Variants in ANXA3 observed in about 807,000 individuals in gnomAD.
ANXA3 encodes 35-alpha calcimedin.
In ANXA3, 46 loss-of-function variants were observed where a neutral mutation model predicts 48.8. The ratio of observed to expected loss-of-function variants is 0.94; its 90% CI spans 0.74 to 1.21. The LOEUF (loss-of-function observed/expected upper bound fraction) is 1.21. Ranked by LOEUF, ANXA3 falls within the 50% of genes most tolerant of loss-of-function variation. The probability of loss-of-function intolerance (pLI) is 0.00; values close to 1 mark genes in which losing one functional copy is unlikely to be tolerated. For missense variants in ANXA3, 383 were observed against 378.6 expected, an observed-to-expected ratio of 1.01 and a Z score of -0.10; for synonymous variants, 128 against 134.7, an observed-to-expected ratio of 0.95 and a Z score of 0.35.
chr4:78,558,079 C>T (rs1033215156), intron 2 of ANXA3, among the ~76,000 whole-genome samples: 1 of 152,198 alleles, frequency 6.6e-6, no homozygotes, highest in African/African-American at 2.4e-5. Context: ...AAAACCCTGT[C>T]ACATGCTACT....
At position 78,595,291 on chromosome 4, in the gene ANXA3, A is replaced by G. The variant is rs17003381; in HGVS notation, c.484-90A>G. The G allele has an allele frequency of 2.1e-3, 3,065 of 1,431,534 alleles. 58 individuals are homozygous for G. In the African/African-American group the frequency reaches 0.038, roughly 18 times the overall value. 88.7% of individuals were successfully genotyped at this position (1,431,534 alleles called of 1,614,324 possible). A position where few individuals can be genotyped will look rare whatever the true frequency, so the allele number is the denominator to read the frequency against. ...GTGCAACCTGTCCTGCCTTAAAGAA[A>G]AACCACTAAGATCCCCTGCTGGTTG... On this transcript the variant is annotated intron_variant, in intron 7 of 12. Coordinates refer to ENST00000264908, the MANE Select transcript of ANXA3 (RefSeq NM_005139.3).
chr4:78,590,792 A>T (rs923982891), intron 6 of ANXA3, among the ~76,000 whole-genome samples: 2 of 143,450 alleles, frequency 1.4e-5, no homozygotes, highest in Non-Finnish European at 2.9e-5. Flanking sequence ...TTAGGGTTAG[A>T]TTCGATAAAA....
At chr4:78,579,148 G>A in intron 4 of ANXA3, 27 bp downstream of exon 4, 6 of 1,497,122 alleles carry the variant, frequency 4.0e-6, no homozygotes, top group South Asian at 1.2e-5. Flanking sequence ...ATGACAGGCA[G>A]TAAAGAGATC....
intron 9 of ANXA3, among the ~76,000 whole-genome samples, chr4:78,596,750 G>A (rs1174035179): frequency 6.6e-6 from 1 of 152,120 alleles, no homozygotes; most frequent in African/African-American, 2.4e-5. Context: ...TTTTAAAAAT[G>A]TATTGGGGAA....
intron 2 of ANXA3, among the ~76,000 whole-genome samples, chr4:78,561,020 T>G (rs1375304575): frequency 6.6e-6 from 1 of 152,196 alleles, no homozygotes; most frequent in Non-Finnish European, 1.5e-5. Context: ...TTTTTAGATG[T>G]ATTTTTCATA....
chr4:78,564,381 C>T (rs918742617), intron 2 of ANXA3, among the ~76,000 whole-genome samples: 4 of 152,154 alleles, frequency 2.6e-5, no homozygotes, highest in South Asian at 2.1e-4. Flanking sequence ...AGCAACTCAT[C>T]GGGCAGCCAA....
Position 78,597,302 on chromosome 4 carries a change from G to T in ANXA3, c.635-17G>T, listed in dbSNP as rs755028590. The T allele has an allele frequency of 6.6e-7, 1 of 1,520,982 alleles. No individual in the cohort carries two copies. Among genetic ancestry groups the T allele is most frequent in the East Asian group, 2.3e-5 (1 of 44,180 alleles). The allele number at this position is 1,520,982 out of a possible 1,614,324, so 94.2% of individuals were successfully genotyped here. A position where few individuals can be genotyped will look rare whatever the true frequency, so the allele number is the denominator to read the frequency against. On this transcript the variant is annotated splice_polypyrimidine_tract_variant and intron_variant, in intron 9 of 12. Transcript: ENST00000264908. ...CAACTGCGTTGCTTTAAATAATTTT[G>T]TGGTGCTTCTTTTTAGCATTTGATG...
At chr4:78,580,109 A>G (rs1252942887) in intron 4 of ANXA3, among the ~76,000 whole-genome samples, 3 of 152,234 alleles carry the variant, frequency 2.0e-5, no homozygotes, top group African/African-American at 7.2e-5. Flanking sequence ...AGAATATAAT[A>G]AACAAGTAAA....
chr4:78,573,311 C>G, intron 3 of ANXA3, 44 bp downstream of exon 3: 23 of 1,425,670 alleles, frequency 1.6e-5, no homozygotes, highest in Non-Finnish European at 2.0e-5. Context: ...TGAAGCAAAT[C>G]AGGCAAGTTA....
chr4:78,578,671 G>A (rs1317296036), intron 3 of ANXA3, among the ~76,000 whole-genome samples: 3 of 152,070 alleles, frequency 2.0e-5, no homozygotes, highest in Non-Finnish European at 4.4e-5. Flanking sequence ...TATCAAGTAT[G>A]GGAGAGAGAT....
intron 2 of ANXA3, among the ~76,000 whole-genome samples, chr4:78,565,046 T>C (rs1161785202): frequency 6.8e-6 from 1 of 147,204 alleles, no homozygotes; most frequent in South Asian, 2.1e-4. Context: ...CAGACCAGAG[T>C]GCAGTAGCAC....
In ANXA3 at chr4:78,593,150, CA is replaced by C. The variant is rs1235174872; in HGVS notation, c.483+1528del. Reference sequence around the variant, plus strand: ...ACACACACACACACACACACACACACACCACTTAAACCATAGAGCCTTTAAT... The same window carrying C: ...ACACACACACACACACACACACACACCCACTTAAACCATAGAGCCTTTAAT... On this transcript the variant is annotated intron_variant, in intron 7 of 12. Coordinates refer to ENST00000264908, the MANE Select transcript of ANXA3 (RefSeq NM_005139.3). 9.5e-3 allele frequency among the ~76,000 whole-genome samples: 1,392 copies of C among 146,478 alleles called. 13 individuals carry two copies. The highest frequency in any genetic ancestry group is 0.036 in the African/African-American group (1,310 of 36,622).
In ANXA3 at chr4:78,586,432, T is replaced by G; in HGVS notation, c.403+82T>G. On this transcript the variant is annotated intron_variant, in intron 6 of 12. Coordinates refer to ENST00000264908, the MANE Select transcript of ANXA3 (RefSeq NM_005139.3). ...CTTTTCCTAGAATCCTCTCAATCTC[T>G]TCATGAGGCATTTTGAGAAGACAAG... 3 of 966,882 alleles carry G rather than the reference T, an allele frequency of 3.1e-6. No individual in the cohort carries two copies. In the South Asian group the frequency reaches 4.5e-5, roughly 14 times the overall value. The allele number at this position is 966,882 out of a possible 1,614,324, so 59.9% of individuals were successfully genotyped here.
rs771966889 is a variant in ANXA3, at chr4:78,604,308, G to T, written c.821G>T (p.Arg274Leu). Residue 274 changes from arginine to leucine, a missense_variant, in exon 12 of 13, where the codon CGA (arginine) becomes CTA (leucine). By Grantham distance (102) the Arg-to-Leu change is moderately radical. Coordinates refer to ENST00000264908, the MANE Select transcript of ANXA3 (RefSeq NM_005139.3). Reference sequence around the variant, plus strand: ...GGAACTGATGAGTTTACTCTGAACCGAATAATGGTGTCCAGATCAGAAATT... The same window carrying T: ...GGAACTGATGAGTTTACTCTGAACCTAATAATGGTGTCCAGATCAGAAATT... ...GIGTDEFTLNRIMVSRSEIDL... is the reference protein window; with the variant it reads ...GIGTDEFTLNLIMVSRSEIDL... The T allele has an allele frequency of 6.2e-7, 1 of 1,613,064 alleles. No homozygotes were observed. Among genetic ancestry groups the T allele is most frequent in the Non-Finnish European group, 8.5e-7 (1 of 1,179,258 alleles).
intron 11 of ANXA3, chr4:78,601,846 A>G (rs1404110974): frequency 1.0e-5 from 3 of 293,270 alleles, no homozygotes; most frequent in Admixed American, 9.4e-5. Flanking sequence ...CATTTTCTCT[A>G]ATATGATGAG....
chr4:78,586,425 C>A, intron 6 of ANXA3, 75 bp downstream of exon 6: 1 of 1,072,910 alleles, frequency 9.3e-7, no homozygotes, highest in Non-Finnish European at 1.4e-6. Flanking sequence ...AGAATCCTCT[C>A]AATCTCTTCA....
At chr4:78,573,311 C>A in intron 3 of ANXA3, 44 bp downstream of exon 3, 2 of 1,425,666 alleles carry the variant, frequency 1.4e-6, no homozygotes, top group South Asian at 1.2e-5. Flanking sequence ...TGAAGCAAAT[C>A]AGGCAAGTTA....
At chr4:78,608,996 A>G (rs1042967884) in intron 12 of ANXA3, among the ~76,000 whole-genome samples, 1 of 152,246 alleles carries the variant, frequency 6.6e-6, no homozygotes, top group South Asian at 2.1e-4. Context: ...CAGCTCTGCT[A>G]TTGCAGAGCA....
intron 5 of ANXA3, among the ~76,000 whole-genome samples, chr4:78,585,710 G>T (rs7679218): frequency 0.72 from 110,208 of 152,060 alleles, 40,334 homozygotes; most frequent in East Asian, 0.87. Context: ...CAATCAAGTC[G>T]TAGTGTATAT....
Sources: allele counts gnomAD v4.1 joint callset (sites outside exome capture counted in the v4.1 genomes callset), GRCh38; gene constraint gnomAD v4.1.1; transcripts MANE v1.5; gene names NCBI Gene and HGNC (gene_info 2026-07-23, HGNC 2026-07-21).